SLC4A10: variants seen among roughly 807,000 people sequenced by gnomAD.
SLC4A10 encodes the protein solute carrier family 4 member 10.
A neutral mutation model predicts 137.7 loss-of-function variants in SLC4A10; 42 were observed. That is an observed-to-expected ratio of 0.30 (90% CI 0.24 to 0.39). SLC4A10 has a LOEUF of 0.39. SLC4A10 is among the 10% of genes least tolerant of loss of function. SLC4A10 has a pLI of 1.00. For synonymous variants in SLC4A10, 474 were observed against 464.1 expected, an observed-to-expected ratio of 1.02 and a Z score of -0.27; for missense variants, 925 against 1,355.0, an observed-to-expected ratio of 0.68 and a Z score of 4.98.
intron 4 of SLC4A10, among the ~76,000 whole-genome samples, chr2:161,847,344 T>C (rs574633359): frequency 6.6e-6 from 1 of 151,990 alleles, no homozygotes; most frequent in South Asian, 2.1e-4. Flanking sequence ...TTCTTTTTTT[T>C]TTTCTTTCCA....
intron 15 of SLC4A10, among the ~76,000 whole-genome samples, chr2:161,915,935 G>A (rs1687018669): frequency 6.6e-6 from 1 of 152,164 alleles, no homozygotes; most frequent in South Asian, 2.1e-4. Context: ...GTTGACCTAA[G>A]TGCTATCATA....
At chr2:161,901,815 C>G (rs557266166) in intron 12 of SLC4A10, among the ~76,000 whole-genome samples, 1 of 152,218 alleles carries the variant, frequency 6.6e-6, no homozygotes, top group East Asian at 1.9e-4. Flanking sequence ...ATGTCTTCCT[C>G]AGGCTTGATA....
intron 3 of SLC4A10, among the ~76,000 whole-genome samples, chr2:161,829,109 G>T (rs2058251606): frequency 6.6e-6 from 1 of 151,594 alleles, no homozygotes; most frequent in African/African-American, 2.4e-5. Flanking sequence ...ACCTCTTCTT[G>T]TGAAAACCTC....
At chr2:161,901,904 ACTTTCAAATGCTGT>A (rs1422933385) in intron 12 of SLC4A10, 22 of 385,182 alleles carry the variant, frequency 5.7e-5, no homozygotes, top group Middle Eastern at 4.8e-4. Context: ...TTGCTTTCAT[ACTTTCAAATGCTGT>A]CTTTTTATTT....
At chr2:161,811,560 C>T (rs747674917) in intron 3 of SLC4A10, among the ~76,000 whole-genome samples, 5 of 151,988 alleles carry the variant, frequency 3.3e-5, no homozygotes, top group Non-Finnish European at 7.4e-5. Flanking sequence ...CTCCTAATTT[C>T]ATTGTGTATC....
intron 1 of SLC4A10, among the ~76,000 whole-genome samples, chr2:161,677,951 G>A (rs910411879): frequency 2.0e-5 from 3 of 152,090 alleles, no homozygotes; most frequent in African/African-American, 4.8e-5. Context: ...CTGAAATCAC[G>A]TGGTCCTTCC....
At chr2:161,735,899 A>G (rs1339233080) in intron 1 of SLC4A10, among the ~76,000 whole-genome samples, 1 of 152,240 alleles carries the variant, frequency 6.6e-6, no homozygotes, top group Non-Finnish European at 1.5e-5. Flanking sequence ...TAGTAGTTTC[A>G]TGACTTTAAA....
chr2:161,705,046 T>G (rs2043508074), intron 1 of SLC4A10, among the ~76,000 whole-genome samples: 1 of 151,658 alleles, frequency 6.6e-6, no homozygotes, highest in Non-Finnish European at 1.5e-5. Context: ...TTGAAGCAAG[T>G]CACTTTTGAA....
In SLC4A10 at chr2:161,905,323, T is replaced by C. The variant is rs139793028; in HGVS notation, c.1752-319T>C. Among the ~76,000 whole-genome samples, 436 of 152,254 alleles carry C rather than the reference T, an allele frequency of 2.9e-3. 1 individual carries two copies. The highest frequency in any genetic ancestry group is 4.4e-3 in the Non-Finnish European group (300 of 68,014). ...TCTCATAAGGAGCACACAATCTAGATTCCTCACATGCACAGTTCACAATAG... is the reference window on the plus strand; with the variant it reads ...TCTCATAAGGAGCACACAATCTAGACTCCTCACATGCACAGTTCACAATAG... On this transcript the variant is annotated intron_variant, in intron 14 of 26. Coordinates refer to ENST00000446997, the MANE Select transcript of SLC4A10 (RefSeq NM_001178015.2).
At chr2:161,776,450 C>A (rs924121811) in intron 2 of SLC4A10, among the ~76,000 whole-genome samples, 1 of 151,942 alleles carries the variant, frequency 6.6e-6, no homozygotes, top group Non-Finnish European at 1.5e-5. Flanking sequence ...CAAATGGAAT[C>A]ATATACTATT....
intron 1 of SLC4A10, among the ~76,000 whole-genome samples, chr2:161,722,619 C>T (rs1296743835): frequency 1.3e-5 from 2 of 152,154 alleles, no homozygotes; most frequent in African/African-American, 4.8e-5. Context: ...TGTCTGGTGA[C>T]CCCTTTTGGG....
At chr2:161,857,957 C>T (rs1345396206) in intron 5 of SLC4A10, among the ~76,000 whole-genome samples, 1 of 152,128 alleles carries the variant, frequency 6.6e-6, no homozygotes, top group Non-Finnish European at 1.5e-5. Flanking sequence ...ATTGATCCAC[C>T]TGCCTCAGCT....
chr2:161,902,269 T>A (rs1434377241), intron 12 of SLC4A10: 1 of 226,020 alleles, frequency 4.4e-6, no homozygotes, highest in African/African-American at 2.3e-5. Flanking sequence ...AATAAGTAAT[T>A]GATTAGAATC....
intron 5 of SLC4A10, among the ~76,000 whole-genome samples, chr2:161,858,122 A>G (rs1253349418): frequency 6.6e-6 from 1 of 152,190 alleles, no homozygotes; most frequent in Non-Finnish European, 1.5e-5. Context: ...TCTGTTAGCC[A>G]TAATTCACAT....
At chr2:161,686,547 T>G (rs1285917281) in intron 1 of SLC4A10, among the ~76,000 whole-genome samples, 1 of 152,116 alleles carries the variant, frequency 6.6e-6, no homozygotes, top group African/African-American at 2.4e-5. Context: ...TCAGATAAAT[T>G]TTACTTCCAG....
chr2:161,691,643 A>C (rs933127736), intron 1 of SLC4A10, among the ~76,000 whole-genome samples: 9 of 152,128 alleles, frequency 5.9e-5, no homozygotes, highest in African/African-American at 2.2e-4. Context: ...TTTAAAAAGT[A>C]AATAAGTATT....
At chr2:161,933,687 A>G (rs1440382658) in intron 15 of SLC4A10, among the ~76,000 whole-genome samples, 1 of 152,060 alleles carries the variant, frequency 6.6e-6, no homozygotes, top group African/African-American at 2.4e-5. Context: ...GAGCCCCCAC[A>G]CTCAGCCTCA....
chr2:161,750,099 C>A (rs944269246), intron 1 of SLC4A10, among the ~76,000 whole-genome samples: 1 of 151,598 alleles, frequency 6.6e-6, no homozygotes, highest in Non-Finnish European at 1.5e-5. Context: ...ATAATGTCTT[C>A]TCTTTCATTT....
intron 1 of SLC4A10, among the ~76,000 whole-genome samples, chr2:161,770,173 A>C (rs1318138692): frequency 6.6e-6 from 1 of 151,888 alleles, no homozygotes; most frequent in East Asian, 1.9e-4. Context: ...AGGTGTGCAC[A>C]GCTAGATAAA....
Sources: allele counts gnomAD v4.1 joint callset (sites outside exome capture counted in the v4.1 genomes callset), GRCh38; gene constraint gnomAD v4.1.1; transcripts MANE v1.5; gene names NCBI Gene and HGNC (gene_info 2026-07-23, HGNC 2026-07-21).